NSUN6: variants seen among roughly 807,000 people sequenced by gnomAD.
NSUN6 encodes tRNA (cytosine(72)-C(5))-methyltransferase NSUN6.
In NSUN6, 64 loss-of-function variants were observed where a neutral mutation model predicts 58.0. The ratio of observed to expected loss-of-function variants is 1.10; its 90% CI spans 0.90 to 1.36. The LOEUF (loss-of-function observed/expected upper bound fraction) is 1.36. Among genes scored for constraint, NSUN6 ranks in the 40% most tolerant of loss-of-function variants. The pLI is 0.00. For missense variants in NSUN6, 701 were observed against 550.1 expected (o/e 1.27, Z -2.74); for synonymous variants, 231 against 193.9 (o/e 1.19, Z -1.59).
chr10:18,570,711 T>G (rs370255875), intron 8 of NSUN6, among the ~76,000 whole-genome samples: 1 of 128,766 alleles, frequency 7.8e-6, no homozygotes, highest in Non-Finnish European at 1.7e-5. Context: ...CCATTCTCTA[T>G]TCCATTCCAT....
intron 5 of NSUN6, among the ~76,000 whole-genome samples, chr10:18,611,108 A>G (rs1486369269): frequency 6.6e-6 from 1 of 152,018 alleles, no homozygotes; most frequent in Non-Finnish European, 1.5e-5. Flanking sequence ...AAATGGAGGG[A>G]TCCCTTGAAC....
intron 8 of NSUN6, among the ~76,000 whole-genome samples, chr10:18,559,332 A>G (rs956712094): frequency 6.6e-6 from 1 of 150,908 alleles, no homozygotes; most frequent in Non-Finnish European, 1.5e-5. Flanking sequence ...ATGGGATGGA[A>G]TGGAGAATTG....
chr10:18,657,207 TTC>T (rs1272496258), upstream of NSUN6, among the ~76,000 whole-genome samples: 1 of 152,198 alleles, frequency 6.6e-6, no homozygotes, highest in Non-Finnish European at 1.5e-5. Context: ...CACAACTATA[TTC>T]TGTTAATCAA....
intron 3 of NSUN6, among the ~76,000 whole-genome samples, chr10:18,620,542 C>A (rs1334037802): frequency 6.6e-6 from 1 of 152,200 alleles, no homozygotes; most frequent in Non-Finnish European, 1.5e-5. Flanking sequence ...TCACTTTTAT[C>A]AGCAGCCACC....
chr10:18,618,822 G>A (rs12767923), intron 3 of NSUN6, among the ~76,000 whole-genome samples: 29,914 of 150,320 alleles, frequency 0.2, 3,269 homozygotes, highest in South Asian at 0.31. Flanking sequence ...CATCAGTTGG[G>A]TCTAATCTGC....
chr10:18,615,128 T>TATATATATACAC (rs562207637), intron 4 of NSUN6, among the ~76,000 whole-genome samples: 19 of 148,050 alleles, frequency 1.3e-4, no homozygotes, highest in African/African-American at 4.5e-4. Context: ...TATATATATA[T>TATATATATACAC]ACACACACAT....
At chr10:18,616,404 T>TA in intron 3 of NSUN6, 111 bp from the exon 4 acceptor site, 1 of 598,174 alleles carries the variant, frequency 1.7e-6, no homozygotes, top group Non-Finnish European at 2.9e-6. Flanking sequence ...CTGTCCTGAA[T>TA]ACATAAGAAA....
intron 6 of NSUN6, among the ~76,000 whole-genome samples, chr10:18,603,169 C>A (rs1440168807): frequency 6.6e-6 from 1 of 152,112 alleles, no homozygotes; most frequent in Non-Finnish European, 1.5e-5. Context: ...TGACTCACGC[C>A]TGTAATCCAG....
intron 3 of NSUN6, among the ~76,000 whole-genome samples, chr10:18,616,766 G>A (rs4456162): frequency 0.62 from 93,935 of 151,918 alleles, 29,443 homozygotes; most frequent in East Asian, 0.98. Context: ...GTCTTTTCCA[G>A]TTTCTCACAT....
intron 2 of NSUN6, among the ~76,000 whole-genome samples, chr10:18,647,614 CTATTT>C (rs2059582482): frequency 6.6e-6 from 1 of 151,492 alleles, no homozygotes; most frequent in South Asian, 2.1e-4. Context: ...TTTGCCAAAA[CTATTT>C]TATTGGTTGG....
At chr10:18,609,134 C>T (rs540783381) in intron 6 of NSUN6, among the ~76,000 whole-genome samples, 6 of 152,040 alleles carry the variant, frequency 3.9e-5, no homozygotes, top group Admixed American at 6.6e-5. Flanking sequence ...CAAAGTGAGA[C>T]CCCATCTCTA....
intron 8 of NSUN6, among the ~76,000 whole-genome samples, chr10:18,555,613 G>C (rs2054939882): frequency 6.7e-6 from 1 of 149,226 alleles, no homozygotes; most frequent in Non-Finnish European, 1.5e-5. Flanking sequence ...GAATGGAATA[G>C]AGAATGGAAT....
chr10:18,552,969 T>G (rs576833069), intron 8 of NSUN6, among the ~76,000 whole-genome samples: 4 of 149,082 alleles, frequency 2.7e-5, no homozygotes, highest in African/African-American at 9.8e-5. Flanking sequence ...CATTCCATTC[T>G]CCATTCCATT....
At position 18,626,489 on chromosome 10, in the gene NSUN6, C is replaced by T. The variant is rs145869684; in HGVS notation, c.312-10196G>A. Among the ~76,000 whole-genome samples, 327 of 152,312 alleles carry T rather than the reference C, an allele frequency of 2.1e-3. 2 individuals are homozygous for T. The highest frequency in any genetic ancestry group is 7.5e-3 in the African/African-American group (313 of 41,580). ...GAAAGTCAAAAGAGACTTAATGGGC[C>T]GGACACAGTGGCTCACGCCTGTAAT... On this transcript the variant is annotated intron_variant, in intron 3 of 10. Transcript: ENST00000377304.
intron 4 of NSUN6, among the ~76,000 whole-genome samples, chr10:18,615,143 G>T (rs1374045955): frequency 6.9e-6 from 1 of 145,124 alleles, no homozygotes; most frequent in Non-Finnish European, 1.5e-5. Flanking sequence ...ACACATATAG[G>T]CACACATATA....
intron 3 of NSUN6, among the ~76,000 whole-genome samples, chr10:18,617,279 C>T (rs1455519925): frequency 6.7e-6 from 1 of 149,794 alleles, no homozygotes; most frequent in Non-Finnish European, 1.5e-5. Flanking sequence ...CCTCTGCCAT[C>T]TGGGTTAAAG....
At chr10:18,627,739 C>G (rs1486120338) in intron 3 of NSUN6, among the ~76,000 whole-genome samples, 2 of 152,254 alleles carry the variant, frequency 1.3e-5, no homozygotes, top group African/African-American at 4.8e-5. Context: ...GACTATATCC[C>G]GCGGCTCGGA....
intron 8 of NSUN6, among the ~76,000 whole-genome samples, chr10:18,567,077 T>A (rs773039428): frequency 5.3e-5 from 8 of 151,340 alleles, no homozygotes; most frequent in Non-Finnish European, 3.0e-5. Flanking sequence ...CATTCTCCAT[T>A]CCATTCCATT....
upstream of NSUN6, chr10:18,655,145 C>T (rs2059763733): frequency 1.4e-5 from 14 of 983,328 alleles, no homozygotes; most frequent in South Asian, 4.7e-5. Flanking sequence ...TTAAATCCCT[C>T]GCTGCTTTAT....
Sources: allele counts gnomAD v4.1 joint callset (sites outside exome capture counted in the v4.1 genomes callset), GRCh38; gene constraint gnomAD v4.1.1; transcripts MANE v1.5; gene names NCBI Gene and HGNC (gene_info 2026-07-23, HGNC 2026-07-21).